The following PCDHGB4 variants were observed in gnomAD, a reference collection of about 807,000 sequenced individuals.
PCDHGB4 encodes protocadherin gamma-B4.
A neutral mutation model predicts 60.5 loss-of-function variants in PCDHGB4; 38 were observed. The observed-to-expected ratio is 0.63, with a 90% confidence interval of 0.48 to 0.82. The LOEUF is 0.82. Ranked by LOEUF, PCDHGB4 falls within the 40% of genes least tolerant of loss-of-function variation. The probability of loss-of-function intolerance (pLI) is 0.00; values close to 1 mark genes in which losing one functional copy is unlikely to be tolerated. For synonymous variants in PCDHGB4, 456 were observed against 509.7 expected (o/e 0.89, Z 1.42); for missense variants, 1,109 against 1,209.6 (o/e 0.92, Z 1.23).
rs532830928 is a variant in PCDHGB4 at position 141,473,487 on chromosome 5, A to G, written c.2398-21320A>G. Reference sequence around the variant, plus strand: ...TTGTGCCAAGTTCAATGGAAAAAATATAAGGTGTTCTGAGAGAGCATAACA... The same window carrying G: ...TTGTGCCAAGTTCAATGGAAAAAATGTAAGGTGTTCTGAGAGAGCATAACA... On this transcript the variant is annotated intron_variant, in intron 1 of 3. Coordinates refer to ENST00000519479, the MANE Select transcript of PCDHGB4 (RefSeq NM_003736.4). 2.0e-3 allele frequency among the ~76,000 whole-genome samples: 310 copies of G among 152,242 alleles called. 5 individuals carry two copies. The South Asian group carries it at 0.052, about 25-fold the overall frequency.
rs751177252 is a variant in PCDHGB4 at position 141,415,407 on chromosome 5, T to G, written c.2397+25126T>G. The G allele has an allele frequency of 1.9e-6, 3 of 1,614,086 alleles. No homozygotes were observed. The African/African-American group carries it at 4.0e-5, about 22-fold the overall frequency. ...TGACAGGTGTGTCCGGCTCGCACTTTGTGGGCGTGGACGGGGTTCGGGCTT... is the reference window on the plus strand; with the variant it reads ...TGACAGGTGTGTCCGGCTCGCACTTGGTGGGCGTGGACGGGGTTCGGGCTT... On this transcript the variant is annotated intron_variant, in intron 1 of 3. Transcript: ENST00000519479.
intron 1 of PCDHGB4, chr5:141,413,078 C>A: frequency 7.7e-7 from 1 of 1,301,148 alleles, no homozygotes; most frequent in Non-Finnish European, 1.1e-6. Flanking sequence ...AGTGCCCAGG[C>A]TACAGAGACA....
In PCDHGB4 at chr5:141,433,363, CTATCT is replaced by C. The variant is rs2097590943; in HGVS notation, c.2397+43083_2397+43087del. On this transcript the variant is annotated intron_variant, in intron 1 of 3. Transcript: ENST00000519479. ...TGCAAGCCACCTACTGTCTGCCTAT[CTATCT>C]ATCTATCTATCTATCTATCTATCTA... 4 of 463,386 alleles carry C rather than the reference CTATCT, an allele frequency of 8.6e-6. No homozygotes were observed. The African/African-American group carries it at 1.1e-4, about 13-fold the overall frequency. 28.7% of individuals were successfully genotyped at this position (463,386 alleles called of 1,614,324 possible). A position where few individuals can be genotyped will look rare whatever the true frequency, so the allele number is the denominator to read the frequency against.
Position 141,389,850 on chromosome 5 carries a change from GC to G in PCDHGB4, c.1968del (p.Thr657ArgfsTer34), listed in dbSNP as rs757946267. On this transcript the variant is annotated frameshift_variant, in exon 1 of 4. Transcript: ENST00000519479. LOFTEE classifies it high-confidence loss of function. Reference protein sequence around the residue: ...DGGQPPLSATATLHLVFADSL... With the variant: ...DGGQPPLSATXTLHLVFADSL... ...TGGACAGCCACCACTCTCGGCCACT[GC>G]CACGTTGCACCTGGTCTTCGCCGAC... is the stretch of plus-strand genomic sequence containing the variant. 1 of 1,614,070 alleles carries G rather than the reference GC, an allele frequency of 6.2e-7. No homozygotes were observed. Among genetic ancestry groups the G allele is most frequent in the Non-Finnish European group, 8.5e-7 (1 of 1,179,908 alleles).
chr5:141,427,294 A>G (rs1239553754), intron 1 of PCDHGB4: 6 of 456,876 alleles, frequency 1.3e-5, no homozygotes, highest in Non-Finnish European at 2.2e-5. Context: ...GAAATCCTAG[A>G]TGAGAATGAC....
chr5:141,448,505 T>C (rs1041076095), intron 1 of PCDHGB4, among the ~76,000 whole-genome samples: 24 of 152,172 alleles, frequency 1.6e-4, no homozygotes, highest in African/African-American at 5.8e-4. Flanking sequence ...AGGTAAACAT[T>C]TTATAACTTT....
At position 141,431,427 on chromosome 5, in the gene PCDHGB4, C is replaced by G. The variant is rs1269666597; in HGVS notation, c.2397+41146C>G. The stretch of plus-strand genomic sequence containing the variant: ...TCCGACGGGGGCGACCCGGTGCGCA[C>G]AGGCACCGCGCGCATCCGCGTGATG... On this transcript the variant is annotated intron_variant, in intron 1 of 3. Transcript: ENST00000519479. The surrounding 1 kb of genome is among the most constrained non-coding windows in gnomAD (Gnocchi z 4.8). 1.2e-6 allele frequency: 2 copies of G among 1,613,584 alleles called. No homozygotes were observed.
At chr5:141,410,739 A>G in intron 1 of PCDHGB4, 1 of 1,303,782 alleles carries the variant, frequency 7.7e-7, no homozygotes. Flanking sequence ...GCTTTTTACA[A>G]TATTTTCTCA....
intron 1 of PCDHGB4, among the ~76,000 whole-genome samples, chr5:141,474,432 C>T (rs1050895539): frequency 6.6e-6 from 1 of 152,214 alleles, no homozygotes; most frequent in Non-Finnish European, 1.5e-5. Context: ...GGTCCTCACA[C>T]TTTGAGTAGC....
chr5:141,450,413 T>G (rs549247554), intron 1 of PCDHGB4, among the ~76,000 whole-genome samples: 1 of 152,334 alleles, frequency 6.6e-6, no homozygotes, highest in African/African-American at 2.4e-5. Context: ...GCCATTTGTC[T>G]TGTATAATGC....
chr5:141,472,494 C>T (rs561045783), intron 1 of PCDHGB4, among the ~76,000 whole-genome samples: 9 of 151,168 alleles, frequency 6.0e-5, no homozygotes, highest in South Asian at 2.1e-4. Context: ...GAGACGAGAT[C>T]GTGCCACTGC....
intron 1 of PCDHGB4, chr5:141,442,056 C>T: frequency 5.0e-6 from 1 of 198,150 alleles, no homozygotes; most frequent in Non-Finnish European, 1.0e-5. Flanking sequence ...GGTCGCGGTG[C>T]ACTGCGGTGG....
intron 1 of PCDHGB4, among the ~76,000 whole-genome samples, chr5:141,473,542 G>A (rs1444751260): frequency 6.6e-6 from 1 of 152,176 alleles, no homozygotes; most frequent in Non-Finnish European, 1.5e-5. Flanking sequence ...GGGGCCTAAT[G>A]GAAGACCTCT....
intron 1 of PCDHGB4, among the ~76,000 whole-genome samples, chr5:141,401,895 TC>T (rs2094205697): frequency 6.6e-6 from 1 of 152,224 alleles, no homozygotes; most frequent in Non-Finnish European, 1.5e-5. Context: ...GTGTTCTTTT[TC>T]CCAAATTATT....
chr5:141,408,475 C>A, intron 1 of PCDHGB4: 3 of 1,614,032 alleles, frequency 1.9e-6, no homozygotes, highest in Non-Finnish European at 1.7e-6. Flanking sequence ...ACCGAATAGA[C>A]CGTGAGCAAA....
chr5:141,415,163 C>G (rs572456395), intron 1 of PCDHGB4: 11 of 1,613,856 alleles, frequency 6.8e-6, no homozygotes, highest in African/African-American at 1.3e-5. Context: ...GCCACTGTCA[C>G]GCTCACCGTG....
At chr5:141,410,362 C>A (rs1270552318) in intron 1 of PCDHGB4, 13 of 1,613,954 alleles carry the variant, frequency 8.1e-6, no homozygotes, top group Non-Finnish European at 1.0e-5. Context: ...GCTCTCTCAG[C>A]CCTGCTACTT....
intron 1 of PCDHGB4, chr5:141,409,079 T>C (rs2095221320): frequency 2.5e-6 from 4 of 1,613,908 alleles, no homozygotes; most frequent in Non-Finnish European, 3.4e-6. Context: ...ACATATGTTC[T>C]CATTGGATGA....
Position 141,431,003 on chromosome 5 carries a change from G to C in PCDHGB4, c.2397+40722G>C. The C allele has an allele frequency of 6.2e-7, 1 of 1,614,078 alleles. No individual in the cohort carries two copies. The highest frequency in any genetic ancestry group is 8.5e-7 in the Non-Finnish European group (1 of 1,179,974). On this transcript the variant is annotated intron_variant, in intron 1 of 3. Transcript: ENST00000519479. The surrounding 1 kb of genome is among the most constrained non-coding windows in gnomAD (Gnocchi z 4.8). ...GCTTTTCGCCCTGAATCCGCGCAGC[G>C]GCAGCTTGGTCACGGCGGGCAGGAT... is the stretch of plus-strand genomic sequence containing the variant.
Sources: gnomAD v4.1 joint callset for allele counts (sites outside exome capture counted in the v4.1 genomes callset) on GRCh38, gnomAD v4.1.1 for gene constraint, Gnocchi (gnomAD v3.1) non-coding constraint, MANE v1.5 for transcripts, NCBI Gene and HGNC (gene_info 2026-07-23, HGNC 2026-07-21) for gene names.